SLC7A14: variants seen among roughly 807,000 people sequenced by gnomAD.
SLC7A14 encodes the protein gamma-aminobutyric acid transporter SLC7A14.
Under a neutral mutation model 60.2 loss-of-function variants are expected in SLC7A14, and 37 were observed. The ratio of observed to expected loss-of-function variants is 0.61; its 90% confidence interval spans 0.47 to 0.81. The LOEUF (loss-of-function observed/expected upper bound fraction) is 0.81, where lower values mean the gene tolerates loss of function less well. Ranked by LOEUF, SLC7A14 falls within the 30% of genes least tolerant of loss-of-function variation. The pLI, the probability that SLC7A14 is intolerant of heterozygous loss-of-function variation, is 0.00. For synonymous variants in SLC7A14, 399 were observed against 395.8 expected (o/e 1.01, Z -0.10); for missense variants, 886 against 982.7 (o/e 0.90, Z 1.32).
At chr3:170,536,697 T>C (rs1347672184) in intron 1 of SLC7A14, among the ~76,000 whole-genome samples, 1 of 152,210 alleles carries the variant, frequency 6.6e-6, no homozygotes, top group Non-Finnish European at 1.5e-5. Flanking sequence ...CACAGCTTGC[T>C]AAGGTTTCTA....
At chr3:170,496,227 C>T (rs1712387977) in intron 4 of SLC7A14, 2 of 924,612 alleles carry the variant, frequency 2.2e-6, no homozygotes, top group Admixed American at 3.4e-5. Context: ...GGTCAAGGCA[C>T]AGTAGGAGGA....
intron 5 of SLC7A14, 88 bp from the exon 6 acceptor site, chr3:170,483,610 C>T: frequency 7.0e-7 from 1 of 1,434,734 alleles, no homozygotes. Context: ...AGCCCTGCCC[C>T]TGGAGGCAGA....
chr3:170,478,770 C>T (rs1711712266), intron 7 of SLC7A14, among the ~76,000 whole-genome samples: 1 of 152,098 alleles, frequency 6.6e-6, no homozygotes, highest in Non-Finnish European at 1.5e-5. Flanking sequence ...ACACGGAGGA[C>T]ACATGTTGAA....
intron 1 of SLC7A14, among the ~76,000 whole-genome samples, chr3:170,559,963 T>A (rs1714597439): frequency 6.6e-6 from 1 of 152,236 alleles, no homozygotes; most frequent in East Asian, 1.9e-4. Flanking sequence ...CATTGCTGAA[T>A]AAAGATAATC....
At chr3:170,524,137 T>G in intron 2 of SLC7A14, among the ~76,000 whole-genome samples, 1 of 152,194 alleles carries the variant, frequency 6.6e-6, no homozygotes, top group East Asian at 1.9e-4. Flanking sequence ...GGGTCTTTAG[T>G]GGAGGTGGCC....
At chr3:170,550,512 A>ATTT (rs369436642) in intron 1 of SLC7A14, among the ~76,000 whole-genome samples, 30 of 60,558 alleles carry the variant, frequency 5.0e-4, no homozygotes, top group East Asian at 1.4e-3. Context: ...CTTTCCTTGA[A>ATTT]TTTTTTTTTT....
At position 170,461,407 on chromosome 3, in the gene SLC7A14, G is replaced by A. The variant is rs943313936; in HGVS notation, c.*5648C>T. 6.6e-5 allele frequency: 10 copies of A among 152,188 alleles called. No individual in the cohort carries two copies. The highest frequency in any genetic ancestry group is 5.9e-4 in the Admixed American group (9 of 15,278). The allele number at this position is 152,188 out of a possible 1,614,324, so 9.4% of individuals were successfully genotyped here. On this transcript the variant is annotated 3_prime_UTR_variant, in exon 8 of 8. Coordinates refer to ENST00000231706, the MANE Select transcript of SLC7A14 (RefSeq NM_020949.3). ...TCAGAATGATTTCAGAATGATGCCT[G>A]CATTACTCAAGCAGGACAAGAAGAG...
In SLC7A14 at chr3:170,477,222, T is replaced by C. The variant is rs542137037; in HGVS notation, c.1993+3067A>G. Among the ~76,000 whole-genome samples the C allele has an allele frequency of 5.3e-5, 8 of 152,366 alleles. No individual in the cohort carries two copies. The South Asian group carries it at 1.7e-3, about 32-fold the overall frequency. On this transcript the variant is annotated intron_variant, in intron 7 of 7. Coordinates refer to ENST00000231706, the MANE Select transcript of SLC7A14 (RefSeq NM_020949.3). ...AGTAATAGCTCTTTGAATAACTTCC[T>C]GTTGACTTTGAGCATGTTATTTAAC...
intron 1 of SLC7A14, among the ~76,000 whole-genome samples, chr3:170,542,353 A>G (rs1217740733): frequency 2.6e-5 from 4 of 152,158 alleles, no homozygotes; most frequent in Non-Finnish European, 5.9e-5. Flanking sequence ...AAGAATTCTA[A>G]GTATCCTCAA....
rs1713703968 is a variant in SLC7A14 at position 170,532,330 on chromosome 3, C to T, written c.-152-5242G>A. Among the ~76,000 whole-genome samples, 1 of 152,180 alleles carries T rather than the reference C, an allele frequency of 6.6e-6. No individual in the cohort carries two copies. The highest frequency in any genetic ancestry group is 6.5e-5 in the Admixed American group (1 of 15,284). ...TCTGAGGACCCTTCTGAGGTCTCTGCCCACTCCCGCATCCAGGTCTTGGCT... is the reference window on the plus strand; with the variant it reads ...TCTGAGGACCCTTCTGAGGTCTCTGTCCACTCCCGCATCCAGGTCTTGGCT... On this transcript the variant is annotated intron_variant, in intron 1 of 7. Transcript: ENST00000231706. The surrounding 1 kb of genome is among the most constrained non-coding windows in gnomAD (Gnocchi z 4.0).
rs762904653 is a variant in SLC7A14, at chr3:170,480,603, G to C, written c.1679C>G (p.Ala560Gly). 6.2e-7 allele frequency: 1 copy of C among 1,614,094 alleles called. No homozygotes were observed. The highest frequency in any genetic ancestry group is 8.5e-7 in the Non-Finnish European group (1 of 1,180,048). The change falls in exon 7 of 8, where the codon GCG (alanine) becomes GGG (glycine). Residue 560 changes from alanine to glycine, a missense_variant. By Grantham distance (60) the Ala-to-Gly change is moderately conservative. Coordinates refer to ENST00000231706, the MANE Select transcript of SLC7A14 (RefSeq NM_020949.3). ...GCAGATGGTCACCGTGTGCCCCGTC[G>C]CTGCTGTGGGCCGGTCCATTTTGCC... is the stretch of plus-strand genomic sequence containing the variant. ...LPGKMDRPTA[A>G]TGHTVTICVL...
intron 1 of SLC7A14, among the ~76,000 whole-genome samples, chr3:170,549,214 CTTT>C (rs113114531): frequency 4.6e-5 from 6 of 129,488 alleles, no homozygotes; most frequent in Non-Finnish European, 3.2e-5. Context: ...CGGCCTTCTT[CTTT>C]TTTTTTTTTT....
chr3:170,549,663 G>A (rs376288757), intron 1 of SLC7A14, among the ~76,000 whole-genome samples: 4 of 152,174 alleles, frequency 2.6e-5, no homozygotes, highest in African/African-American at 4.8e-5. Context: ...AGAGCTACCC[G>A]ATGCCCTGGG....
At chr3:170,471,160 C>T (rs543755722) in intron 7 of SLC7A14, among the ~76,000 whole-genome samples, 149 of 150,846 alleles carry the variant, frequency 9.9e-4, no homozygotes, top group Non-Finnish European at 1.7e-3. Flanking sequence ...GACAGGACAA[C>T]AGGACAGTGG....
At chr3:170,470,486 T>TC (rs1464611454) in intron 7 of SLC7A14, among the ~76,000 whole-genome samples, 1 of 152,012 alleles carries the variant, frequency 6.6e-6, no homozygotes, top group African/African-American at 2.4e-5. Context: ...CAAAGGTGTA[T>TC]CACTCTGTCT....
intron 2 of SLC7A14, among the ~76,000 whole-genome samples, chr3:170,505,742 G>C (rs1230871794): frequency 6.6e-6 from 1 of 152,044 alleles, no homozygotes; most frequent in African/African-American, 2.4e-5. Flanking sequence ...AAAAAAATTA[G>C]CCAGGTGCAG....
intron 2 of SLC7A14, among the ~76,000 whole-genome samples, chr3:170,526,072 GT>G (rs142439191): frequency 0.12 from 16,791 of 138,512 alleles, 1,122 homozygotes; most frequent in Admixed American, 0.19. Context: ...GCAAGACTCT[GT>G]TTAAAAAAAA....
chr3:170,467,468 AGC>A, intron 7 of SLC7A14, 91 bp from the exon 8 acceptor site: 3 of 235,708 alleles, frequency 1.3e-5, no homozygotes, highest in East Asian at 1.6e-4. Context: ...ATGAAATCAA[AGC>A]TGGCGGGGTG....
chr3:170,471,434 C>T (rs1739906146), intron 7 of SLC7A14, among the ~76,000 whole-genome samples: 1 of 152,128 alleles, frequency 6.6e-6, no homozygotes, highest in Non-Finnish European at 1.5e-5. Context: ...CAAATCCCTT[C>T]TATCATAGGT....
Sources: gnomAD v4.1 joint callset for allele counts (sites outside exome capture counted in the v4.1 genomes callset) on GRCh38, gnomAD v4.1.1 for gene constraint, Gnocchi (gnomAD v3.1) non-coding constraint, MANE v1.5 for transcripts, NCBI Gene and HGNC (gene_info 2026-07-23, HGNC 2026-07-21) for gene names.